Variants in USP13 observed in about 807,000 individuals in gnomAD.
The protein encoded by USP13 is ubiquitin carboxyl-terminal hydrolase 13.
Under a neutral mutation model 107.8 loss-of-function variants are expected in USP13, and 68 were observed. The ratio of observed to expected loss-of-function variants is 0.63; its 90% CI spans 0.52 to 0.77. USP13 has a LOEUF of 0.77. USP13 is among the 30% of genes least tolerant of loss of function. The pLI is 0.00. For missense variants in USP13, 945 were observed against 1,093.3 expected, an observed-to-expected ratio of 0.86 and a Z score of 1.91; for synonymous variants, 377 against 389.5, an observed-to-expected ratio of 0.97 and a Z score of 0.38.
rs1320088254 is a variant in USP13, at chr3:179,716,989, G to T, written c.806-2951G>T. On this transcript the variant is annotated intron_variant, in intron 6 of 20. Transcript: ENST00000263966. ...TTTAACTTGAAATGAAAGGATGACT[G>T]GTTTGCTTCTAAAATGAATGCAGTT... Among the ~76,000 whole-genome samples, 4 of 152,238 alleles carry T rather than the reference G, an allele frequency of 2.6e-5. No homozygotes were observed. The East Asian group carries it at 7.7e-4, about 29-fold the overall frequency.
chr3:179,688,650 G>T (rs1391360520), intron 2 of USP13, among the ~76,000 whole-genome samples: 1 of 152,222 alleles, frequency 6.6e-6, no homozygotes, highest in African/African-American at 2.4e-5. Flanking sequence ...TCTGGGACAG[G>T]CTTGTGTTCT....
chr3:179,783,706 T>A (rs1026548195), intron 20 of USP13, among the ~76,000 whole-genome samples: 1 of 152,256 alleles, frequency 6.6e-6, no homozygotes, highest in Admixed American at 6.5e-5. Flanking sequence ...AGCTTAAGAA[T>A]CAAAAAGCAG....
At chr3:179,682,715 G>A (rs939617682) in intron 2 of USP13, among the ~76,000 whole-genome samples, 5 of 152,032 alleles carry the variant, frequency 3.3e-5, no homozygotes, top group Non-Finnish European at 2.9e-5. Flanking sequence ...TTTTCTTCTC[G>A]TATTGATGAA....
rs779917247 is a variant in USP13, at chr3:179,754,870, A to G, written c.1921+16A>G. 8 of 1,605,244 alleles carry G rather than the reference A, an allele frequency of 5.0e-6. No homozygotes were observed. In the African/African-American group the frequency reaches 8.1e-5, roughly 16 times the overall value. ...GACTCAAAAGGTACCATCTCCTGCC[A>G]GGAGAATATGCGCTACCCTCCCACC... On this transcript the variant is annotated intron_variant, in intron 15 of 20. Coordinates refer to ENST00000263966, the MANE Select transcript of USP13 (RefSeq NM_003940.3).
Position 179,681,964 on chromosome 3 carries a change from A to G in USP13, c.255A>G (p.Gly85=), listed in dbSNP as rs774871127. 1.9e-6 allele frequency: 3 copies of G among 1,613,956 alleles called. No individual in the cohort carries two copies. The Admixed American group carries it at 5.0e-5, about 27-fold the overall frequency. The part of the protein sequence containing the change: ...EHVERHFRKT[G]QSVYMHLKRH... Reference sequence around the variant, plus strand: ...TTGAAAGACATTTTCGAAAAACTGGACAGAGTGTATACATGCACCTGAAAA... The same window carrying G: ...TTGAAAGACATTTTCGAAAAACTGGGCAGAGTGTATACATGCACCTGAAAA... The change falls in exon 2 of 21, where the codon GGA becomes GGG. Residue 85 remains glycine (G), a synonymous_variant. Coordinates refer to ENST00000263966, the MANE Select transcript of USP13 (RefSeq NM_003940.3).
intron 10 of USP13, among the ~76,000 whole-genome samples, chr3:179,737,619 G>T (rs1203763936): frequency 2.0e-5 from 3 of 152,174 alleles, no homozygotes; most frequent in African/African-American, 4.8e-5. Context: ...AATTAATTGC[G>T]CTTTGGCTAG....
chr3:179,781,883 A>C, intron 20 of USP13, 60 bp downstream of exon 20: 2 of 1,406,524 alleles, frequency 1.4e-6, no homozygotes, highest in Non-Finnish European at 2.0e-6. Context: ...ACTATATGCC[A>C]GGCACTCTCC....
intron 2 of USP13, among the ~76,000 whole-genome samples, chr3:179,685,187 A>C (rs1195542747): frequency 2.0e-5 from 3 of 148,212 alleles, no homozygotes; most frequent in Admixed American, 6.7e-5. Context: ...GTACCCTATA[A>C]TTTTTTTTTT....
At position 179,653,590 on chromosome 3, in the gene USP13, G is replaced by GGAGCAAAACCACCA; in HGVS notation, c.168+198_168+199insAGCAAAACCACCAG. 1.3e-6 allele frequency: 1 copy of GGAGCAAAACCACCA among 757,220 alleles called. No homozygotes were observed. The highest frequency in any genetic ancestry group is 2.0e-6 in the Non-Finnish European group (1 of 498,856). The allele number at this position is 757,220 out of a possible 1,614,324, so 46.9% of individuals were successfully genotyped here. On this transcript the variant is annotated intron_variant, in intron 1 of 20. Coordinates refer to ENST00000263966, the MANE Select transcript of USP13 (RefSeq NM_003940.3). This position sits in a 1 kb window ranked among gnomAD's most constrained non-coding sequence, Gnocchi z 4.0. ...CAGCCGAGGACTGGCTCGTGCTGGT[G>GGAGCAAAACCACCA]GTTTTGCTCCGCCAGCCTCCCCAGG...
At chr3:179,658,799 C>G (rs541108713) in intron 1 of USP13, among the ~76,000 whole-genome samples, 1 of 152,168 alleles carries the variant, frequency 6.6e-6, no homozygotes, top group Non-Finnish European at 1.5e-5. Context: ...GAAAAGCCCT[C>G]GCTCTTCCAA....
intron 19 of USP13, among the ~76,000 whole-genome samples, chr3:179,771,975 C>G (rs1715354920): frequency 6.6e-6 from 1 of 152,106 alleles, no homozygotes; most frequent in African/African-American, 2.4e-5. Flanking sequence ...ACCACTTTTC[C>G]TTCACTGCTT....
chr3:179,755,274 C>T (rs1418876626), intron 15 of USP13, among the ~76,000 whole-genome samples: 1 of 152,130 alleles, frequency 6.6e-6, no homozygotes, highest in Non-Finnish European at 1.5e-5. Context: ...GACCCCATCA[C>T]TGGTCATTGT....
chr3:179,699,787 ATTTT>A (rs1248939806), intron 3 of USP13, among the ~76,000 whole-genome samples: 2 of 125,144 alleles, frequency 1.6e-5, no homozygotes, highest in East Asian at 2.4e-4. Flanking sequence ...TTATTTATTT[ATTTT>A]TACTACAAAC....
intron 1 of USP13, among the ~76,000 whole-genome samples, chr3:179,656,141 G>A (rs1720253194): frequency 6.6e-6 from 1 of 152,182 alleles, no homozygotes; most frequent in South Asian, 2.1e-4. Context: ...CAAGGCCAGG[G>A]AAATTATATG....
At chr3:179,780,683 G>A (rs570858701) in intron 19 of USP13, among the ~76,000 whole-genome samples, 1 of 152,298 alleles carries the variant, frequency 6.6e-6, no homozygotes, top group South Asian at 2.1e-4. Context: ...TCAACAGAAT[G>A]TGATGCTGCT....
intron 20 of USP13, among the ~76,000 whole-genome samples, chr3:179,782,455 G>A (rs992026263): frequency 1.3e-5 from 2 of 152,172 alleles, no homozygotes; most frequent in Non-Finnish European, 2.9e-5. Context: ...TGAGACAGTT[G>A]TGGAATGAAA....
intron 13 of USP13, among the ~76,000 whole-genome samples, chr3:179,750,816 C>T (rs1340597043): frequency 6.6e-6 from 1 of 152,164 alleles, no homozygotes; most frequent in Admixed American, 6.5e-5. Context: ...GTAGATGGAT[C>T]AGGGAGTGTC....
intron 13 of USP13, among the ~76,000 whole-genome samples, chr3:179,751,318 T>G (rs755112445): frequency 2.0e-5 from 3 of 152,228 alleles, no homozygotes; most frequent in Admixed American, 6.5e-5. Context: ...AATTTTAAAC[T>G]TCAAGGCCCA....
chr3:179,698,309 G>T (rs550129695), intron 3 of USP13, among the ~76,000 whole-genome samples: 1 of 152,314 alleles, frequency 6.6e-6, no homozygotes, highest in South Asian at 2.1e-4. Context: ...TGATGATGGT[G>T]ATGGCAGATA....
Sources: gnomAD v4.1 joint callset for allele counts (sites outside exome capture counted in the v4.1 genomes callset) on GRCh38, gnomAD v4.1.1 for gene constraint, Gnocchi (gnomAD v3.1) non-coding constraint, MANE v1.5 for transcripts, NCBI Gene and HGNC (gene_info 2026-07-23, HGNC 2026-07-21) for gene names.